NRXN1: variants seen among roughly 807,000 people sequenced by gnomAD.
The protein encoded by NRXN1 is neurexin-1.
In NRXN1, 39 loss-of-function variants were observed where a neutral mutation model predicts 150.9. The observed-to-expected ratio is 0.26, with a 90% CI of 0.20 to 0.34. The LOEUF is 0.34. Ranked by LOEUF, NRXN1 falls within the 10% of genes least tolerant of loss-of-function variation. The pLI, the probability that NRXN1 is intolerant of heterozygous loss-of-function variation, is 1.00. For missense variants in NRXN1, 1,815 were observed against 1,949.9 expected (o/e 0.93, Z 1.30); for synonymous variants, 924 against 757.0 (o/e 1.22, Z -3.62).
chr2:50,441,273 A>G (rs2085929552), intron 17 of NRXN1, among the ~76,000 whole-genome samples: 1 of 152,102 alleles, frequency 6.6e-6, no homozygotes, highest in East Asian at 1.9e-4. Flanking sequence ...ATAATTACCT[A>G]TTTCATGGTA....
chr2:49,942,625 T>TATTATTATTATTA (rs1672198729), intron 22 of NRXN1, among the ~76,000 whole-genome samples: 1 of 151,520 alleles, frequency 6.6e-6, no homozygotes, highest in South Asian at 2.1e-4. Flanking sequence ...TTATTATTAT[T>TATTATTATTATTA]TTGAGACAAA....
intron 5 of NRXN1, among the ~76,000 whole-genome samples, chr2:50,796,434 T>C (rs958212395): frequency 2.6e-5 from 4 of 152,256 alleles, no homozygotes. Context: ...AGGTATGGAA[T>C]GAATGAACCC....
intron 18 of NRXN1, among the ~76,000 whole-genome samples, chr2:50,106,263 C>A (rs1432186939): frequency 1.3e-5 from 2 of 151,852 alleles, no homozygotes; most frequent in African/African-American, 4.8e-5. Flanking sequence ...TTAATGATAA[C>A]TTTTAATTTG....
chr2:50,337,692 G>A (rs1039203395), intron 17 of NRXN1, among the ~76,000 whole-genome samples: 1 of 152,110 alleles, frequency 6.6e-6, no homozygotes, highest in East Asian at 1.9e-4. Context: ...TTTTATGAGG[G>A]AGAATTGGGG....
intron 22 of NRXN1, among the ~76,000 whole-genome samples, chr2:49,927,903 G>C (rs1256512668): frequency 6.6e-6 from 1 of 151,944 alleles, no homozygotes; most frequent in Non-Finnish European, 1.5e-5. Flanking sequence ...AACTTTCAAG[G>C]TAAGTTTGTA....
intron 5 of NRXN1, among the ~76,000 whole-genome samples, chr2:50,847,056 A>G (rs1024949529): frequency 6.6e-6 from 1 of 152,130 alleles, no homozygotes; most frequent in Non-Finnish European, 1.5e-5. Context: ...ACCTTTGCCA[A>G]AGATAAGGAG....
At chr2:50,808,488 AAACT>A (rs1667804509) in intron 5 of NRXN1, among the ~76,000 whole-genome samples, 1 of 152,072 alleles carries the variant, frequency 6.6e-6, no homozygotes, top group South Asian at 2.1e-4. Flanking sequence ...AAAAAAAGAG[AAACT>A]AACATAAGTT....
intron 17 of NRXN1, among the ~76,000 whole-genome samples, chr2:50,320,283 C>CTTATACATATATATATATATAT (rs1178411507): frequency 2.3e-5 from 1 of 43,056 alleles, no homozygotes; most frequent in Non-Finnish European, 5.1e-5. Context: ...ATACCTCAAT[C>CTTATACATATATATATATATAT]ATATATATAT....
intron 17 of NRXN1, among the ~76,000 whole-genome samples, chr2:50,409,887 T>TA: frequency 6.6e-6 from 1 of 152,286 alleles, no homozygotes. Context: ...ACTCTTCAGT[T>TA]AAAAAATAAT....
chr2:50,951,098 A>T (rs761032831), intron 2 of NRXN1, among the ~76,000 whole-genome samples: 8 of 152,194 alleles, frequency 5.3e-5, no homozygotes, highest in Non-Finnish European at 1.0e-4. Context: ...ATTGTATTCA[A>T]TTGCTCAAGG....
In NRXN1 at chr2:49,921,851, G is replaced by A. The variant is rs201978871; in HGVS notation, c.*93C>T. 88 of 1,278,484 alleles carry A rather than the reference G, an allele frequency of 6.9e-5. No individual in the cohort carries two copies. The highest frequency in any genetic ancestry group is 1.0e-4 in the Admixed American group (5 of 48,826). 79.2% of individuals were successfully genotyped at this position (1,278,484 alleles called of 1,614,324 possible). A position where few individuals can be genotyped will look rare whatever the true frequency, so the allele number is the denominator to read the frequency against. ...TTGCATTCCCTGTCTTCTTTTGTAT[G>A]TGCTTCATAAAAAGGAAAGTAAATA... On this transcript the variant is annotated 3_prime_UTR_variant, in exon 23 of 23. Coordinates refer to ENST00000401669, the MANE Select transcript of NRXN1 (RefSeq NM_001330078.2).
In NRXN1 at chr2:50,267,048, C is replaced by G. The variant is rs143608214; in HGVS notation, c.3365-30078G>C. Among the ~76,000 whole-genome samples the G allele has an allele frequency of 2.9e-3, 441 of 152,282 alleles. 1 individual carries two copies. The highest frequency in any genetic ancestry group is 5.2e-3 in the Non-Finnish European group (357 of 68,024). Reference sequence around the variant, plus strand: ...CAGAAAAGAACTGCCAGAGCAATCCCTTGTATAGGCTACTGTGATTCTGTT... The same window carrying G: ...CAGAAAAGAACTGCCAGAGCAATCCGTTGTATAGGCTACTGTGATTCTGTT... On this transcript the variant is annotated intron_variant, in intron 17 of 22. Transcript: ENST00000401669.
intron 21 of NRXN1, among the ~76,000 whole-genome samples, chr2:49,971,086 T>C (rs1677875634): frequency 6.6e-6 from 1 of 152,130 alleles, no homozygotes; most frequent in African/African-American, 2.4e-5. Flanking sequence ...TATAAGTTCT[T>C]AAATATTTAA....
At chr2:49,986,173 A>T (rs1680875689) in intron 21 of NRXN1, among the ~76,000 whole-genome samples, 1 of 152,234 alleles carries the variant, frequency 6.6e-6, no homozygotes, top group African/African-American at 2.4e-5. Flanking sequence ...TTACATAAAT[A>T]ATCACATAAA....
At chr2:50,228,143 A>T (rs182820819) in intron 18 of NRXN1, among the ~76,000 whole-genome samples, 1 of 152,206 alleles carries the variant, frequency 6.6e-6, no homozygotes, top group Admixed American at 6.6e-5. Context: ...TGAAAAGCTT[A>T]TTATGAAAAG....
At chr2:50,945,407 T>C (rs1462241469) in intron 2 of NRXN1, among the ~76,000 whole-genome samples, 1 of 152,004 alleles carries the variant, frequency 6.6e-6, no homozygotes, top group Non-Finnish European at 1.5e-5. Context: ...GAGGATGCAA[T>C]AAGCTGAGAT....
intron 17 of NRXN1, among the ~76,000 whole-genome samples, chr2:50,283,930 C>T (rs991492071): frequency 6.6e-6 from 1 of 152,100 alleles, no homozygotes; most frequent in Non-Finnish European, 1.5e-5. Flanking sequence ...CGTAAAACAT[C>T]TTTCTCTCTC....
intron 5 of NRXN1, among the ~76,000 whole-genome samples, chr2:50,895,026 A>G (rs1396359962): frequency 3.3e-5 from 5 of 152,204 alleles, no homozygotes; most frequent in African/African-American, 9.6e-5. Context: ...AACAACCATG[A>G]CAAGCCAATA....
chr2:51,006,285 T>G (rs1312388497), intron 2 of NRXN1, among the ~76,000 whole-genome samples: 2 of 150,764 alleles, frequency 1.3e-5, no homozygotes, highest in African/African-American at 2.4e-5. Context: ...CTCAGTAAAC[T>G]ATCGCAAGGA....
Sources: allele counts gnomAD v4.1 joint callset (sites outside exome capture counted in the v4.1 genomes callset), GRCh38; gene constraint gnomAD v4.1.1; transcripts MANE v1.5; gene names NCBI Gene and HGNC (gene_info 2026-07-23, HGNC 2026-07-21).